Variants in LRRC37A observed in about 807,000 individuals in gnomAD.
LRRC37A encodes leucine-rich repeat-containing protein 37A.
In LRRC37A, 3 loss-of-function variants were observed where a neutral mutation model predicts 35.4. The observed-to-expected ratio is 0.08, with a 90% CI of 0.04 to 0.22. LRRC37A has a LOEUF of 0.22. Ranked by LOEUF, LRRC37A falls within the 10% of genes least tolerant of loss-of-function variation. The probability of loss-of-function intolerance (pLI) is 1.00; values close to 1 mark genes in which losing one functional copy is unlikely to be tolerated. For synonymous variants in LRRC37A, 23 were observed against 215.0 expected (o/e 0.11, Z 7.81); for missense variants, 67 against 565.3 (o/e 0.12, Z 8.94).
the LRRC37A span, chr17:46,268,782 A>G: frequency 1.0e-6 from 1 of 972,238 alleles, no homozygotes; most frequent in Non-Finnish European, 1.4e-6. Flanking sequence ...CCTCCTTTAG[A>G]AGAGAGCCCA....
At chr17:46,249,865 C>T in the LRRC37A span, among the ~76,000 whole-genome samples, 8 of 152,206 alleles carry the variant, frequency 5.3e-5, no homozygotes, top group Non-Finnish European at 8.8e-5. Context: ...AGTGCAGTGG[C>T]ATGATCTCGG....
Position 46,314,503 on chromosome 17 carries a change from CG to C in LRRC37A, c.2907-7815del, listed in dbSNP as rs1190439118. ...CAACAGAGTGAGACTCCAATGGAGA[CG>C]GGGTTTCAGCACGTTTATCCGTTTA... On this transcript the variant is annotated intron_variant, in intron 5 of 13. Coordinates refer to ENST00000320254, the Ensembl canonical transcript of LRRC37A. Among the ~76,000 whole-genome samples the C allele has an allele frequency of 2.5e-5, 2 of 80,302 alleles. 1 individual carries two copies. The highest frequency in any genetic ancestry group is 6.4e-5 in the African/African-American group (2 of 31,336). 52.7% of individuals were successfully genotyped at this position (80,302 alleles called of 152,430 possible).
rs1156612462 is a variant in LRRC37A, at chr17:46,325,535, T to G, written c.3053+2508T>G. ...AACAATCCTGGGAACAGTTCTAGAT[T>G]GAAGGAGACTAAAGAATCATGTACT... is the stretch of plus-strand genomic sequence containing the variant. On this transcript the variant is annotated intron_variant, in intron 7 of 13. Transcript: ENST00000320254. Among the ~76,000 whole-genome samples, 2 of 81,706 alleles carry G rather than the reference T, an allele frequency of 2.4e-5. 1 individual carries two copies. The highest frequency in any genetic ancestry group is 4.8e-4 in the East Asian group (2 of 4,182). The allele number at this position is 81,706 out of a possible 152,430, so 53.6% of individuals were successfully genotyped here.
At chr17:46,314,774 C>G (rs558958452) in intron 5 of LRRC37A, among the ~76,000 whole-genome samples, 1 of 82,038 alleles carries the variant, frequency 1.2e-5, no homozygotes, top group African/African-American at 3.1e-5. Flanking sequence ...TTTCCATCTA[C>G]ATTCGTAAGA....
rs1439325975 is a variant in LRRC37A, at chr17:46,323,696, C to T, written c.3053+669C>T. On this transcript the variant is annotated intron_variant, in intron 7 of 13. Transcript: ENST00000320254. ...ACAGATAAGATCCACCTTGCCTGGCCTCACTCAGTAGAATTTTTTTTGAGA... is the reference window on the plus strand; with the variant it reads ...ACAGATAAGATCCACCTTGCCTGGCTTCACTCAGTAGAATTTTTTTTGAGA... Among the ~76,000 whole-genome samples the T allele has an allele frequency of 2.9e-5, 3 of 104,330 alleles. 1 individual carries two copies. The highest frequency in any genetic ancestry group is 4.5e-5 in the Non-Finnish European group (2 of 44,162). The allele number at this position is 104,330 out of a possible 152,430, so 68.4% of individuals were successfully genotyped here.
chr17:46,260,537 C>T, the LRRC37A span: 3 of 1,530,512 alleles, frequency 2.0e-6, no homozygotes, highest in South Asian at 1.1e-5. Flanking sequence ...ATGCCTGTCT[C>T]CCTGACCCAC....
chr17:46,282,508 G>A, the LRRC37A span, among the ~76,000 whole-genome samples: 2 of 151,040 alleles, frequency 1.3e-5, no homozygotes, highest in South Asian at 4.2e-4. Context: ...TCAAACTCCT[G>A]TACTCAAGTG....
chr17:46,291,831 C>T (rs144654257), upstream of LRRC37A, among the ~76,000 whole-genome samples: 26 of 151,978 alleles, frequency 1.7e-4, no homozygotes, highest in African/African-American at 4.4e-4. Context: ...TGGCATGGCA[C>T]GCGCCTGTAG....
At chr17:46,248,609 T>C in the LRRC37A span, among the ~76,000 whole-genome samples, 1 of 152,024 alleles carries the variant, frequency 6.6e-6, no homozygotes, top group Non-Finnish European at 1.5e-5. Context: ...AACCTCCACC[T>C]CCCAGGTTCA....
chr17:46,267,928 T>G, the LRRC37A span, among the ~76,000 whole-genome samples: 2 of 134,830 alleles, frequency 1.5e-5, no homozygotes, highest in Non-Finnish European at 3.0e-5. Flanking sequence ...TTAGACAGAG[T>G]CTCGCTCTGT....
the LRRC37A span, among the ~76,000 whole-genome samples, chr17:46,262,139 G>A: frequency 2.5e-4 from 38 of 152,240 alleles, no homozygotes; most frequent in African/African-American, 8.7e-4. Context: ...CAGTAGAGAC[G>A]GGGTTTCATC....
the LRRC37A span, among the ~76,000 whole-genome samples, chr17:46,273,908 G>C: frequency 6.6e-6 from 1 of 152,220 alleles, no homozygotes; most frequent in Non-Finnish European, 1.5e-5. Flanking sequence ...TCTGTAATTG[G>C]TAATTTGCCC....
the LRRC37A span, among the ~76,000 whole-genome samples, chr17:46,282,080 C>A: frequency 6.6e-6 from 1 of 151,962 alleles, no homozygotes; most frequent in Non-Finnish European, 1.5e-5. Flanking sequence ...TTTAGCTGGG[C>A]TTGTCCTTCA....
the LRRC37A span, among the ~76,000 whole-genome samples, chr17:46,280,569 CTTTTTT>C: frequency 6.2e-5 from 7 of 112,010 alleles, no homozygotes; most frequent in South Asian, 2.6e-4. Context: ...TGATAGCACA[CTTTTTT>C]TTTTTTTTTT....
the LRRC37A span, among the ~76,000 whole-genome samples, chr17:46,283,695 A>G: frequency 1.5e-5 from 2 of 137,112 alleles, no homozygotes; most frequent in Non-Finnish European, 3.4e-5. Context: ...AAAGACACAG[A>G]GACAAAGTAC....
At chr17:46,265,322 T>C in the LRRC37A span, among the ~76,000 whole-genome samples, 11 of 143,436 alleles carry the variant, frequency 7.7e-5, no homozygotes, top group Non-Finnish European at 1.5e-4. Flanking sequence ...CTTCCTCTTC[T>C]TCTTTTTTTC....
At chr17:46,259,054 A>T in the LRRC37A span, among the ~76,000 whole-genome samples, 46 of 12,296 alleles carry the variant, frequency 3.7e-3, no homozygotes, top group Non-Finnish European at 0.01. Context: ...TTTTTTTTTT[A>T]CTAACCAGGG....
At chr17:46,253,601 C>A in the LRRC37A span, among the ~76,000 whole-genome samples, 3 of 152,180 alleles carry the variant, frequency 2.0e-5, no homozygotes, top group African/African-American at 7.2e-5. Context: ...ATACGAAAAC[C>A]AGTCAGGCGT....
the LRRC37A span, among the ~76,000 whole-genome samples, chr17:46,267,803 A>C: frequency 6.6e-6 from 1 of 151,856 alleles, no homozygotes; most frequent in Non-Finnish European, 1.5e-5. Context: ...CACCATTGCC[A>C]GAAGGGACTG....
Sources: gnomAD v4.1 joint callset for allele counts (sites outside exome capture counted in the v4.1 genomes callset) on GRCh38, gnomAD v4.1.1 for gene constraint, MANE v1.5 for transcripts, NCBI Gene and HGNC (gene_info 2026-07-23, HGNC 2026-07-21) for gene names.